SEC14L5: variants seen among roughly 807,000 people sequenced by gnomAD.
The protein encoded by SEC14L5 is SEC14 like lipid binding 5, also known as SEC14-like protein 5.
Under a neutral mutation model 84.6 loss-of-function variants are expected in SEC14L5, and 96 were observed. The ratio of observed to expected loss-of-function variants is 1.13; its 90% confidence interval spans 0.96 to 1.34. The LOEUF (loss-of-function observed/expected upper bound fraction) is 1.34, where lower values mean the gene tolerates loss of function less well. Ranked by LOEUF, SEC14L5 falls within the 40% of genes most tolerant of loss-of-function variation. The pLI is 0.00. For synonymous variants in SEC14L5, 546 were observed against 383.4 expected (o/e 1.42, Z -4.95); for missense variants, 1,224 against 942.5 (o/e 1.30, Z -3.91).
chr16:4,981,378 C>G (rs1397758003), intron 2 of SEC14L5, among the ~76,000 whole-genome samples: 1 of 146,786 alleles, frequency 6.8e-6, no homozygotes, highest in Non-Finnish European at 1.5e-5. Context: ...TCCCAAAGTG[C>G]TGGGATTACA....
intron 14 of SEC14L5, 61 bp downstream of exon 14, chr16:5,008,709 C>T (rs1419466874): frequency 9.0e-6 from 13 of 1,440,846 alleles, no homozygotes; most frequent in Middle Eastern, 1.9e-4. Context: ...CACTGCGTGC[C>T]AGGCTTCTGG....
chr16:4,973,227 C>T (rs571817791), intron 2 of SEC14L5, among the ~76,000 whole-genome samples: 7 of 152,278 alleles, frequency 4.6e-5, no homozygotes, highest in East Asian at 1.9e-4. Context: ...CCCCACGCGC[C>T]GCCCTTGTCC....
chr16:4,961,681 T>A (rs1955122837), intron 2 of SEC14L5, among the ~76,000 whole-genome samples: 1 of 152,192 alleles, frequency 6.6e-6, no homozygotes, highest in Non-Finnish European at 1.5e-5. Flanking sequence ...TATTTTCAAG[T>A]GCAATGATTG....
At chr16:4,963,655 CT>C (rs58325101) in intron 2 of SEC14L5, among the ~76,000 whole-genome samples, 10,579 of 151,162 alleles carry the variant, frequency 0.07, 985 homozygotes, top group East Asian at 0.47. Flanking sequence ...CTTTTGCTCC[CT>C]TTTTTCTTTC....
intron 2 of SEC14L5, among the ~76,000 whole-genome samples, chr16:4,970,323 TG>T (rs1168698449): frequency 6.6e-6 from 1 of 151,026 alleles, no homozygotes; most frequent in Non-Finnish European, 1.5e-5. Flanking sequence ...AGTGGGGAGG[TG>T]GGGGATGTTA....
At chr16:5,006,096 T>A in intron 12 of SEC14L5, 48 bp downstream of exon 12, 1 of 1,597,024 alleles carries the variant, frequency 6.3e-7, no homozygotes, top group East Asian at 2.2e-5. Context: ...GGAGGGGGCA[T>A]GCCTAGCTGG....
At chr16:4,989,791 A>G (rs1012967112) in intron 4 of SEC14L5, among the ~76,000 whole-genome samples, 5 of 152,126 alleles carry the variant, frequency 3.3e-5, no homozygotes, top group Admixed American at 2.0e-4. Flanking sequence ...AATGAGTTCT[A>G]TCAATAGCTG....
intron 2 of SEC14L5, among the ~76,000 whole-genome samples, chr16:4,977,666 G>C (rs370089805): frequency 1.6e-4 from 25 of 152,118 alleles, no homozygotes; most frequent in East Asian, 1.2e-3. Context: ...CCCAGGACCT[G>C]TGAAGGCCTC....
chr16:4,960,695 T>A (rs1451708574), intron 2 of SEC14L5: 1 of 152,112 alleles, frequency 6.6e-6, no homozygotes, highest in South Asian at 2.1e-4. Flanking sequence ...GAGCCTCCAC[T>A]CCCCATCACC....
In SEC14L5 at chr16:5,016,390, C is replaced by G. The variant is rs529454822; in HGVS notation, c.*1420C>G. The G allele has an allele frequency of 2.6e-5, 4 of 152,296 alleles. No homozygotes were observed. Among genetic ancestry groups the G allele is most frequent in the East Asian group, 1.9e-4 (1 of 5,182 alleles). The allele number at this position is 152,296 out of a possible 1,614,324, so 9.4% of individuals were successfully genotyped here. A position where few individuals can be genotyped will look rare whatever the true frequency, so the allele number is the denominator to read the frequency against. On this transcript the variant is annotated 3_prime_UTR_variant, in exon 16 of 16. Coordinates refer to ENST00000251170, the MANE Select transcript of SEC14L5 (RefSeq NM_014692.2). ...CTTTAGAATGGTTTAAAAATTGAGG[C>G]ATTTCGCATCGAAATCAGGATTTCT...
rs1955798146 is a variant in SEC14L5, at chr16:5,011,212, A to G, written c.1918A>G (p.Ser640Gly). ...GVDDVLTALH[S>G]PGPKCKLLYY... is the part of the protein sequence containing the mutation. ...GGACGATGTCCTGACGGCTCTGCAC[A>G]GCCCCGGGCCCAAGTGCAAACTTCT... Residue 640 changes from serine (S) to glycine (G), a missense_variant, in exon 15 of 16, where the codon AGC (serine) becomes GGC (glycine). Ser to Gly is a moderately conservative substitution (Grantham distance 56). Transcript: ENST00000251170. 1 of 1,613,862 alleles carries G rather than the reference A, an allele frequency of 6.2e-7. No individual in the cohort carries two copies. The highest frequency in any genetic ancestry group is 2.2e-5 in the East Asian group (1 of 44,878).
intron 10 of SEC14L5, among the ~76,000 whole-genome samples, chr16:5,001,923 C>T (rs1018792217): frequency 6.6e-6 from 1 of 152,100 alleles, no homozygotes; most frequent in African/African-American, 2.4e-5. Context: ...TAAATGTGCA[C>T]CACCTTGCCC....
chr16:4,984,089 T>A (rs952104342), intron 2 of SEC14L5, among the ~76,000 whole-genome samples: 1 of 152,144 alleles, frequency 6.6e-6, no homozygotes, highest in Non-Finnish European at 1.5e-5. Flanking sequence ...AGATTCATAA[T>A]ATTGTGCAAG....
In SEC14L5 at chr16:4,988,181, G is replaced by T. The variant is rs1568126019; in HGVS notation, c.246G>T (p.Gln82His). 2 of 1,613,606 alleles carry T rather than the reference G, an allele frequency of 1.2e-6. No individual in the cohort carries two copies. The highest frequency in any genetic ancestry group is 1.1e-5 in the South Asian group (1 of 91,078). ...GTGTTGAGCACGTGGTCTTCGTGCA[G>T]ACAAACATCTTGAACTGGAAGGAGA... ...IAGVEHVVFV[Q>H]TNILNWKERT... is the part of the protein sequence containing the mutation. The change falls in exon 4 of 16, where the codon CAG becomes CAT. Residue 82 changes from glutamine to histidine, a missense_variant. By Grantham distance (24) the Gln-to-His change is conservative. Coordinates refer to ENST00000251170, the MANE Select transcript of SEC14L5 (RefSeq NM_014692.2).
chr16:5,009,419 G>C (rs970902761), intron 14 of SEC14L5, among the ~76,000 whole-genome samples: 2 of 152,046 alleles, frequency 1.3e-5, no homozygotes, highest in Non-Finnish European at 2.9e-5. Flanking sequence ...TACCTCCTAG[G>C]CTCAAGCGAT....
chr16:4,979,429 C>T (rs1384433120), intron 2 of SEC14L5, among the ~76,000 whole-genome samples: 5 of 152,156 alleles, frequency 3.3e-5, no homozygotes, highest in South Asian at 2.1e-4. Context: ...GGAGGGTGAG[C>T]GCTACCTACT....
chr16:5,000,515 G>A lies in SEC14L5; in HGVS notation c.971-140G>A, dbSNP rs945343922. 9 of 641,426 alleles carry A rather than the reference G, an allele frequency of 1.4e-5. No individual in the cohort carries two copies. The African/African-American group carries it at 1.5e-4, about 10-fold the overall frequency. The allele number at this position is 641,426 out of a possible 1,614,324, so 39.7% of individuals were successfully genotyped here. On this transcript the variant is annotated intron_variant, in intron 8 of 15. Coordinates refer to ENST00000251170, the MANE Select transcript of SEC14L5 (RefSeq NM_014692.2). Reference sequence around the variant, plus strand: ...AGCCCCTCTTGGAAGCAGGCAGGGTGTTAGTAAGTGAAGGCTGGATCGGGC... The same window carrying A: ...AGCCCCTCTTGGAAGCAGGCAGGGTATTAGTAAGTGAAGGCTGGATCGGGC...
intron 1 of SEC14L5, 85 bp from the exon 2 acceptor site, chr16:4,959,188 C>T (rs889648686): frequency 2.7e-5 from 19 of 691,178 alleles, no homozygotes; most frequent in Non-Finnish European, 4.5e-5. Flanking sequence ...TGGGTGGGGC[C>T]AGGGGCTGCC....
intron 11 of SEC14L5, 51 bp downstream of exon 11, chr16:5,003,624 G>GGGGGGGGGGCCC: frequency 3.3e-6 from 1 of 305,312 alleles, no homozygotes; most frequent in Non-Finnish European, 6.5e-6. Context: ...GGTGGGATGG[G>GGGGGGGGGGCCC]AGGGGTTCCG....
Sources: allele counts gnomAD v4.1 joint callset (sites outside exome capture counted in the v4.1 genomes callset), GRCh38; gene constraint gnomAD v4.1.1; transcripts MANE v1.5; gene names NCBI Gene and HGNC (gene_info 2026-07-23, HGNC 2026-07-21).